Variants in UHRF1 observed in about 807,000 individuals in gnomAD.
UHRF1 encodes E3 ubiquitin-protein ligase UHRF1.
A neutral mutation model predicts 96.5 loss-of-function variants in UHRF1; 9 were observed. The observed-to-expected ratio is 0.09, with a 90% CI of 0.06 to 0.16. UHRF1 has a LOEUF of 0.16. UHRF1 is among the 10% of genes least tolerant of loss of function. The pLI is 1.00. For synonymous variants in UHRF1, 455 were observed against 469.9 expected, an observed-to-expected ratio of 0.97 and a Z score of 0.41; for missense variants, 626 against 1,131.1, an observed-to-expected ratio of 0.55 and a Z score of 6.40.
chr19:4,916,120 C>T (rs1486259014), intron 2 of UHRF1, among the ~76,000 whole-genome samples: 1 of 151,944 alleles, frequency 6.6e-6, no homozygotes, highest in African/African-American at 2.4e-5. Context: ...CCAGCCTGGG[C>T]CATGTAGCAA....
intron 1 of UHRF1, chr19:4,910,314 G>C (rs2032208071): frequency 6.9e-6 from 1 of 145,648 alleles, no homozygotes; most frequent in South Asian, 2.2e-4. Flanking sequence ...GGCCACCGCG[G>C]GGCGGGCCCG....
rs567684245 is a variant in UHRF1, at chr19:4,944,293, C to G, written c.1197+38C>G. On this transcript the variant is annotated intron_variant, in intron 8 of 16. Coordinates refer to ENST00000650932, the MANE Select transcript of UHRF1 (RefSeq NM_001048201.3). ...CTTCCCACGTGCCCGTGGCCCCTCC[C>G]CGCCTGCCAGGGCTCACGCTGTTGT... 12 of 1,613,964 alleles carry G rather than the reference C, an allele frequency of 7.4e-6. No homozygotes were observed. In the South Asian group the frequency reaches 1.3e-4, roughly 18 times the overall value.
chr19:4,911,350 G>A (rs1282815701), intron 2 of UHRF1, among the ~76,000 whole-genome samples: 2 of 152,134 alleles, frequency 1.3e-5, no homozygotes, highest in South Asian at 4.2e-4. Context: ...GGAGGTGGCC[G>A]ATGGAAGGCT....
At chr19:4,928,832 G>C (rs1202327654) in intron 2 of UHRF1, among the ~76,000 whole-genome samples, 1 of 152,196 alleles carries the variant, frequency 6.6e-6, no homozygotes, top group Non-Finnish European at 1.5e-5. Context: ...CCCGGGGTCT[G>C]AATCATGTTT....
At chr19:4,914,030 G>T (rs1460154476) in intron 2 of UHRF1, among the ~76,000 whole-genome samples, 1 of 151,814 alleles carries the variant, frequency 6.6e-6, no homozygotes, top group Non-Finnish European at 1.5e-5. Flanking sequence ...GGTCAGGCTG[G>T]TCTCGAACTC....
intron 11 of UHRF1, 135 bp downstream of exon 11, chr19:4,947,346 T>G: frequency 1.2e-6 from 1 of 806,574 alleles, no homozygotes; most frequent in South Asian, 1.7e-5. Context: ...GGCATTTGGT[T>G]CCTCCCTCTG....
intron 5 of UHRF1, among the ~76,000 whole-genome samples, chr19:4,936,456 G>A (rs1276610658): frequency 6.6e-6 from 1 of 152,136 alleles, no homozygotes. Flanking sequence ...TGGACTCTGG[G>A]ATTGGGAGGC....
intron 2 of UHRF1, 107 bp from the exon 3 acceptor site, chr19:4,929,115 C>CG: frequency 1.4e-6 from 2 of 1,446,092 alleles, no homozygotes; most frequent in Non-Finnish European, 1.9e-6. Context: ...GCAGATTGCC[C>CG]CCCCCCCACA....
intron 11 of UHRF1, among the ~76,000 whole-genome samples, 155 bp downstream of exon 11, chr19:4,947,366 G>C (rs1280943469): frequency 6.6e-6 from 1 of 152,044 alleles, no homozygotes; most frequent in Non-Finnish European, 1.5e-5. Flanking sequence ...GTCTCCCAAA[G>C]TGCTGGGATT....
rs1334187906 is a variant in UHRF1 at position 4,962,086 on chromosome 19, G to A, written c.*1283G>A. On this transcript the variant is annotated 3_prime_UTR_variant, in exon 17 of 17. Coordinates refer to ENST00000650932, the MANE Select transcript of UHRF1 (RefSeq NM_001048201.3). ...GGGAAGAATGAGACAATTTTGTGTAGGCTTTTTCTAAAGTCCAGTACTTTG... is the reference window on the plus strand; with the variant it reads ...GGGAAGAATGAGACAATTTTGTGTAAGCTTTTTCTAAAGTCCAGTACTTTG... 6.8e-6 allele frequency: 1 copy of A among 146,066 alleles called. No homozygotes were observed. The highest frequency in any genetic ancestry group is 1.5e-5 in the Non-Finnish European group (1 of 65,360). 9.0% of individuals were successfully genotyped at this position (146,066 alleles called of 1,614,324 possible).
At chr19:4,924,661 A>C (rs925271351) in intron 2 of UHRF1, among the ~76,000 whole-genome samples, 10 of 152,026 alleles carry the variant, frequency 6.6e-5, no homozygotes, top group African/African-American at 2.4e-4. Flanking sequence ...GAAGGTACGG[A>C]GTTCCTATAG....
In UHRF1 at chr19:4,930,604, C is replaced by A; in HGVS notation, c.409-112C>A. 1.5e-6 allele frequency: 2 copies of A among 1,311,770 alleles called. No homozygotes were observed. Among genetic ancestry groups the A allele is most frequent in the Admixed American group, 2.1e-5 (1 of 46,558 alleles). 81.3% of individuals were successfully genotyped at this position (1,311,770 alleles called of 1,614,324 possible). A position where few individuals can be genotyped will look rare whatever the true frequency, so the allele number is the denominator to read the frequency against. ...CAGGGAGGAGAAACCTCGCTGTGGG[C>A]ATTCGAGTTTGCGCCCTGGTTCCAG... On this transcript the variant is annotated intron_variant, in intron 3 of 16. Coordinates refer to ENST00000650932, the MANE Select transcript of UHRF1 (RefSeq NM_001048201.3). This position sits in a 1 kb window ranked among gnomAD's most constrained non-coding sequence, Gnocchi z 4.4.
chr19:4,906,230 C>T (rs568459858), upstream of UHRF1, among the ~76,000 whole-genome samples: 5 of 152,122 alleles, frequency 3.3e-5, no homozygotes, highest in Admixed American at 6.6e-5. Flanking sequence ...CAGCCTTCCT[C>T]GGCCTCTCAA....
intron 15 of UHRF1, 73 bp from the exon 16 acceptor site, chr19:4,956,636 C>T (rs1289732069): frequency 4.3e-6 from 4 of 920,296 alleles, no homozygotes; most frequent in South Asian, 2.8e-5. Flanking sequence ...GGTACATGCT[C>T]AGCAGGAAGC....
chr19:4,907,104 G>T (rs2032079861), upstream of UHRF1, among the ~76,000 whole-genome samples: 1 of 152,204 alleles, frequency 6.6e-6, no homozygotes, highest in Non-Finnish European at 1.5e-5. Context: ...CTCAGTGGCT[G>T]CAAAACACAC....
intron 5 of UHRF1, among the ~76,000 whole-genome samples, chr19:4,938,554 G>A (rs544997197): frequency 1.3e-5 from 2 of 151,318 alleles, no homozygotes; most frequent in Admixed American, 6.6e-5. Context: ...TTGAGACAAG[G>A]TCTCACTCTG....
rs17883579 is a variant in UHRF1, at chr19:4,958,278, G to T, written c.2235+1465G>T. Among the ~76,000 whole-genome samples the T allele has an allele frequency of 6.6e-3, 1,011 of 152,346 alleles. 10 individuals carry two copies. Among genetic ancestry groups the T allele is most frequent in the African/African-American group, 0.023 (948 of 41,574 alleles). On this transcript the variant is annotated intron_variant, in intron 16 of 16. Transcript: ENST00000650932. ...TCTGGCCATCTGTCACCTCTCAGGC[G>T]TGCAGGCACTAATCCCTCCAAGCCT...
chr19:4,933,072 C>CG (rs2033107893), intron 5 of UHRF1, 116 bp downstream of exon 5: 14 of 1,171,648 alleles, frequency 1.2e-5, no homozygotes, highest in Non-Finnish European at 1.2e-6. Flanking sequence ...CCTTAGCCTC[C>CG]GGCCTGGCCT....
At chr19:4,914,533 A>T (rs1391596258) in intron 2 of UHRF1, among the ~76,000 whole-genome samples, 1 of 151,986 alleles carries the variant, frequency 6.6e-6, no homozygotes, top group African/African-American at 2.4e-5. Flanking sequence ...ACTTGGGCTG[A>T]ATAGGGTGAC....
Sources: gnomAD v4.1 joint callset for allele counts (sites outside exome capture counted in the v4.1 genomes callset) on GRCh38, gnomAD v4.1.1 for gene constraint, Gnocchi (gnomAD v3.1) non-coding constraint, MANE v1.5 for transcripts, NCBI Gene and HGNC (gene_info 2026-07-23, HGNC 2026-07-21) for gene names.